The following GRID2IP variants were observed in gnomAD, a reference collection of about 807,000 sequenced individuals.
GRID2IP encodes delphilin.
Under a neutral mutation model 114.3 loss-of-function variants are expected in GRID2IP, and 78 were observed. The observed-to-expected ratio is 0.68, with a 90% CI of 0.57 to 0.82. The LOEUF (loss-of-function observed/expected upper bound fraction) is 0.82, where lower values mean the gene tolerates loss of function less well. GRID2IP is among the 40% of genes least tolerant of loss of function. The pLI is 0.00. For missense variants in GRID2IP, 1,727 were observed against 1,678.5 expected (o/e 1.03, Z -0.51); for synonymous variants, 809 against 724.0 (o/e 1.12, Z -1.89).
chr7:6,538,616 G>A (rs1245080271), intron 2 of GRID2IP, among the ~76,000 whole-genome samples: 4 of 152,072 alleles, frequency 2.6e-5, no homozygotes, highest in South Asian at 2.1e-4. Context: ...AGTGGCTCAC[G>A]TCTGTAATCC....
In GRID2IP at chr7:6,534,139, G is replaced by A. The variant is rs768962777; in HGVS notation, c.584+5579C>T. On this transcript the variant is annotated intron_variant, in intron 2 of 21. Transcript: ENST00000457091. The surrounding 1 kb of genome is among the most constrained non-coding windows in gnomAD (Gnocchi z 4.5). ...AGAACACCCAGAAACTACCAAGCCC[G>A]TTTTACAGACAAACTGTAGATGTCA... Among the ~76,000 whole-genome samples the A allele has an allele frequency of 3.9e-5, 6 of 152,172 alleles. No homozygotes were observed. The highest frequency in any genetic ancestry group is 3.9e-4 in the East Asian group (2 of 5,184).
chr7:6,541,884 T>C (rs1329813779), intron 1 of GRID2IP, among the ~76,000 whole-genome samples: 3 of 152,226 alleles, frequency 2.0e-5, no homozygotes, highest in African/African-American at 7.2e-5. Context: ...GGTTCACCTG[T>C]GTATTATTTC....
chr7:6,539,597 G>T, intron 2 of GRID2IP, 121 bp downstream of exon 2: 2 of 929,034 alleles, frequency 2.2e-6, no homozygotes, highest in Non-Finnish European at 1.6e-6. Flanking sequence ...CTGTTCAAGA[G>T]CAGGCTACCA....
intron 10 of GRID2IP, 95 bp downstream of exon 10, chr7:6,510,514 G>A (rs1340960533): frequency 7.7e-7 from 1 of 1,298,878 alleles, no homozygotes; most frequent in South Asian, 1.5e-5. Context: ...AAGCAGCACA[G>A]GGACGCCTTG....
rs116405237 is a variant in GRID2IP at position 6,508,949 on chromosome 7, C to G, written c.2127+9G>C. The G allele has an allele frequency of 1.7e-5, 26 of 1,543,414 alleles. No individual in the cohort carries two copies. Among genetic ancestry groups the G allele is most frequent in the Middle Eastern group, 1.8e-4 (1 of 5,420 alleles). The stretch of plus-strand genomic sequence containing the variant: ...ACCCGCCTCCCTCCACACCTGCTTG[C>G]GTGCCCACCTCCTCGTAGTCGTTCT... On this transcript the variant is annotated intron_variant, in intron 12 of 21. Coordinates refer to ENST00000457091, the MANE Select transcript of GRID2IP (RefSeq NM_001145118.2). This position sits in a 1 kb window ranked among gnomAD's most constrained non-coding sequence, Gnocchi z 5.6.
At chr7:6,545,472 C>T (rs904692819) in intron 1 of GRID2IP, among the ~76,000 whole-genome samples, 1 of 152,128 alleles carries the variant, frequency 6.6e-6, no homozygotes, top group Non-Finnish European at 1.5e-5. Flanking sequence ...TCTCAGACCT[C>T]GATCTTCAGC....
rs1460171663 is a variant in GRID2IP, at chr7:6,510,887, TC to T, written c.1555+20del. On this transcript the variant is annotated intron_variant, in intron 9 of 21. Transcript: ENST00000457091. ...GGAAAACTGAGCTCCATTCATACCC[TC>T]CCCCTGACACCAGCCTTACCGCAGC... The T allele has an allele frequency of 2.3e-5, 36 of 1,546,588 alleles. No homozygotes were observed. Among genetic ancestry groups the T allele is most frequent in the Non-Finnish European group, 2.9e-5 (33 of 1,143,844 alleles).
intron 4 of GRID2IP, among the ~76,000 whole-genome samples, chr7:6,522,415 C>G (rs1469682245): frequency 6.6e-6 from 1 of 152,110 alleles, no homozygotes; most frequent in Non-Finnish European, 1.5e-5. Flanking sequence ...TGAGTCCCTG[C>G]TCCATACACT....
chr7:6,522,022 T>C, intron 4 of GRID2IP, 65 bp from the exon 5 acceptor site: 3 of 1,304,276 alleles, frequency 2.3e-6, no homozygotes, highest in Non-Finnish European at 3.2e-6. Context: ...AGCAGGATGC[T>C]ATCCTGTTTT....
rs1001258531 is a variant in GRID2IP at position 6,551,130 on chromosome 7, G to T, written c.307C>A (p.Arg103=). 5 of 1,316,946 alleles carry T rather than the reference G, an allele frequency of 3.8e-6. No individual in the cohort carries two copies. The Admixed American group carries it at 1.7e-4, about 45-fold the overall frequency. 81.6% of individuals were successfully genotyped at this position (1,316,946 alleles called of 1,614,324 possible). ...AGGCCGCGGCCGCACCGCGGGGCCC[G>T]CAAGACTGTGGTCGGGGCCGCGGGG... ...SGPAAPTTVL[R]APRCGRGLAL... The change falls in exon 1 of 22, where the codon CGG becomes AGG. Residue 103 remains arginine (R), a synonymous_variant. Transcript: ENST00000457091.
chr7:6,500,883 G>A (rs1786396055), intron 20 of GRID2IP, among the ~76,000 whole-genome samples: 1 of 152,202 alleles, frequency 6.6e-6, no homozygotes, highest in Non-Finnish European at 1.5e-5. Context: ...CAGTGGGAAT[G>A]TCCCACCCTC....
rs1355695281 is a variant in GRID2IP at position 6,501,658 on chromosome 7, G to A, written c.3399+123C>T. On this transcript the variant is annotated intron_variant, in intron 20 of 21. Coordinates refer to ENST00000457091, the MANE Select transcript of GRID2IP (RefSeq NM_001145118.2). ...CTCTTCCAGGACCCCTGGGTGCACA[G>A]CAACCTGTGTCCAGAATCTCTGCTG... 6.9e-6 allele frequency: 5 copies of A among 729,572 alleles called. No individual in the cohort carries two copies. The African/African-American group carries it at 8.8e-5, about 13-fold the overall frequency. The allele number at this position is 729,572 out of a possible 1,614,324, so 45.2% of individuals were successfully genotyped here. A position where few individuals can be genotyped will look rare whatever the true frequency, so the allele number is the denominator to read the frequency against.
At chr7:6,524,501 C>A (rs951133161) in intron 4 of GRID2IP, among the ~76,000 whole-genome samples, 5 of 152,140 alleles carry the variant, frequency 3.3e-5, no homozygotes, top group African/African-American at 9.6e-5. Context: ...ACACACACAC[C>A]CCTGCCCCAC....
intron 2 of GRID2IP, 79 bp downstream of exon 2, chr7:6,539,621 ACCTGGGCTGGAAGGGGTG>A: frequency 8.5e-7 from 1 of 1,177,428 alleles, no homozygotes; most frequent in Non-Finnish European, 1.2e-6. Context: ...ATTATCTCCC[ACCTGGGCTGGAAGGGGTG>A]CCTGGGGTGG....
At chr7:6,501,727 A>G in intron 20 of GRID2IP, 54 bp downstream of exon 20, 1 of 1,359,514 alleles carries the variant, frequency 7.4e-7, no homozygotes, top group Non-Finnish European at 1.0e-6. Flanking sequence ...AGCCAGCTCT[A>G]CCCAACCACC....
In GRID2IP at chr7:6,541,324, G is replaced by A. The variant is rs557989041; in HGVS notation, c.430-1452C>T. 5.6e-4 allele frequency among the ~76,000 whole-genome samples: 85 copies of A among 152,234 alleles called. No homozygotes were observed. In the Middle Eastern group the frequency reaches 0.01, roughly 18 times the overall value. Reference sequence around the variant, plus strand: ...AAAGATCAAAGGAATTAATATAAAAGCTTAAAACCACACCACACATTCAGT... The same window carrying A: ...AAAGATCAAAGGAATTAATATAAAAACTTAAAACCACACCACACATTCAGT... On this transcript the variant is annotated intron_variant, in intron 1 of 21. Coordinates refer to ENST00000457091, the MANE Select transcript of GRID2IP (RefSeq NM_001145118.2).
At chr7:6,544,825 T>TA (rs2115101212) in intron 1 of GRID2IP, among the ~76,000 whole-genome samples, 1 of 152,026 alleles carries the variant, frequency 6.6e-6, no homozygotes, top group Admixed American at 6.6e-5. Flanking sequence ...CTCATGCCTG[T>TA]AATCCCAGCA....
chr7:6,525,798 C>A (rs1779498736), intron 4 of GRID2IP, among the ~76,000 whole-genome samples: 1 of 152,156 alleles, frequency 6.6e-6, no homozygotes, highest in Admixed American at 6.5e-5. Context: ...GGCAAGAACC[C>A]AGTTCAGCGT....
rs1324977986 is a variant in GRID2IP, at chr7:6,536,385, T to C, written c.584+3333A>G. On this transcript the variant is annotated intron_variant, in intron 2 of 21. Transcript: ENST00000457091. The surrounding 1 kb of genome is among the most constrained non-coding windows in gnomAD (Gnocchi z 5.3). Reference sequence around the variant, plus strand: ...TCCAGGGCTCCCGCTGCCCAGGCTCTAAATCGAGCGCGCCCAAGGGGGTTC... The same window carrying C: ...TCCAGGGCTCCCGCTGCCCAGGCTCCAAATCGAGCGCGCCCAAGGGGGTTC... Among the ~76,000 whole-genome samples, 5 of 152,212 alleles carry C rather than the reference T, an allele frequency of 3.3e-5. No individual in the cohort carries two copies. Among genetic ancestry groups the C allele is most frequent in the Non-Finnish European group, 5.9e-5 (4 of 68,018 alleles).
Sources: allele counts gnomAD v4.1 joint callset (sites outside exome capture counted in the v4.1 genomes callset), GRCh38; gene constraint gnomAD v4.1.1; non-coding constraint Gnocchi (gnomAD v3.1); transcripts MANE v1.5; gene names NCBI Gene and HGNC (gene_info 2026-07-23, HGNC 2026-07-21).